The following REXO5 variants were observed in gnomAD, a reference collection of about 807,000 sequenced individuals.
REXO5 encodes exonuclease NEF-sp.
Under a neutral mutation model 88.5 loss-of-function variants are expected in REXO5, and 48 were observed. The observed-to-expected ratio is 0.54, with a 90% CI of 0.43 to 0.69. REXO5 has a LOEUF of 0.69. Among genes scored for constraint, REXO5 ranks in the 30% least tolerant of loss-of-function variants. The probability of loss-of-function intolerance (pLI) is 0.00; values close to 1 mark genes in which losing one functional copy is unlikely to be tolerated. For synonymous variants in REXO5, 311 were observed against 336.5 expected (o/e 0.92, Z 0.83); for missense variants, 749 against 912.2 (o/e 0.82, Z 2.30).
At position 20,846,204 on chromosome 16, in the gene REXO5, C is replaced by A. The variant is rs1205248458; in HGVS notation, c.2125-17C>A. 1 of 1,601,032 alleles carries A rather than the reference C, an allele frequency of 6.2e-7. No homozygotes were observed. Among genetic ancestry groups the A allele is most frequent in the Non-Finnish European group, 8.6e-7 (1 of 1,168,128 alleles). ...AGAGTGTTCTGGCTGAGTATCGACA[C>A]ATGGCTTTGATCCCAGACTCTGAAA... On this transcript the variant is annotated splice_polypyrimidine_tract_variant and intron_variant, in intron 18 of 19. Coordinates refer to ENST00000261377, the MANE Select transcript of REXO5 (RefSeq NM_030941.3).
chr16:20,849,325 C>G, intron 19 of REXO5, 74 bp from the exon 20 acceptor site: 2 of 1,405,166 alleles, frequency 1.4e-6, no homozygotes, highest in Middle Eastern at 1.8e-4. Context: ...AAAATATCTC[C>G]TCTAACTAGG....
intron 5 of REXO5, 132 bp downstream of exon 5, chr16:20,816,344 CG>C (rs2081081470): frequency 3.0e-6 from 2 of 659,042 alleles, no homozygotes; most frequent in African/African-American, 3.7e-5. Context: ...TTTTTTGAAA[CG>C]GGGGTCTCAC....
Position 20,827,114 on chromosome 16 carries a change from T to C in REXO5, c.878T>C (p.Val293Ala). The C allele has an allele frequency of 3.7e-6, 6 of 1,614,158 alleles. No individual in the cohort carries two copies. The highest frequency in any genetic ancestry group is 5.1e-6 in the Non-Finnish European group (6 of 1,179,998). Reference protein sequence around the residue: ...LNPVTTKLKDVQRQLKALLPP... With the variant: ...LNPVTTKLKDAQRQLKALLPP... ...CCAGTGACGACCAAACTCAAAGATGTACAGAGGCAGTTAAAAGCACTGCTT... is the reference window on the plus strand; with the variant it reads ...CCAGTGACGACCAAACTCAAAGATGCACAGAGGCAGTTAAAAGCACTGCTT... Residue 293 changes from valine (V) to alanine (A), a missense_variant, in exon 9 of 20, where the codon GTA (valine) becomes GCA (alanine). By Grantham distance (64) the Val-to-Ala change is moderately conservative. Coordinates refer to ENST00000261377, the MANE Select transcript of REXO5 (RefSeq NM_030941.3).
At chr16:20,824,757 C>T (rs577514147) in intron 7 of REXO5, among the ~76,000 whole-genome samples, 1 of 152,114 alleles carries the variant, frequency 6.6e-6, no homozygotes, top group African/African-American at 2.4e-5. Flanking sequence ...CACCTGTAAT[C>T]CCAGCACTTT....
At position 20,833,053 on chromosome 16, in the gene REXO5, G is replaced by T; in HGVS notation, c.1313G>T (p.Arg438Leu). 1 of 1,613,330 alleles carries T rather than the reference G, an allele frequency of 6.2e-7. No individual in the cohort carries two copies. Among genetic ancestry groups the T allele is most frequent in the South Asian group, 1.1e-5 (1 of 91,046 alleles). Residue 438 changes from arginine (R) to leucine (L), a missense_variant, in exon 13 of 20, where the codon CGG (arginine) becomes CTG (leucine). By Grantham distance (102) the Arg-to-Leu change is moderately radical (BLOSUM62 -2). Coordinates refer to ENST00000261377, the MANE Select transcript of REXO5 (RefSeq NM_030941.3). Reference protein sequence around the residue: ...SVGQKLLFLTRETDAGELPSS... With the variant: ...SVGQKLLFLTLETDAGELPSS... Reference sequence around the variant, plus strand: ...GGTCAGAAGCTTCTTTTTTTGACCCGGGAGACAGATGCTGGTGAACTTCCA... The same window carrying T: ...GGTCAGAAGCTTCTTTTTTTGACCCTGGAGACAGATGCTGGTGAACTTCCA...
At chr16:20,817,401 T>C (rs1425779903) in intron 5 of REXO5, among the ~76,000 whole-genome samples, 1 of 152,166 alleles carries the variant, frequency 6.6e-6, no homozygotes, top group Non-Finnish European at 1.5e-5. Flanking sequence ...AGAAAAGATG[T>C]AATCAGGAAA....
intron 18 of REXO5, among the ~76,000 whole-genome samples, chr16:20,845,627 T>G (rs2081596158): frequency 6.6e-6 from 1 of 152,130 alleles, no homozygotes; most frequent in Non-Finnish European, 1.5e-5. Context: ...GTCTTTTTAT[T>G]ATATCTAAGA....
intron 12 of REXO5, 107 bp from the exon 13 acceptor site, chr16:20,832,896 C>A: frequency 1.1e-6 from 1 of 941,856 alleles, no homozygotes; most frequent in Non-Finnish European, 1.6e-6. Context: ...ATTTTAATAG[C>A]TATATATTGC....
chr16:20,837,803 A>G (rs756435601), intron 13 of REXO5, among the ~76,000 whole-genome samples: 4 of 151,712 alleles, frequency 2.6e-5, no homozygotes, highest in Non-Finnish European at 5.9e-5. Context: ...GTCTTGCTCT[A>G]TTGCCCAGGC....
At chr16:20,829,943 T>G (rs949373770) in intron 11 of REXO5, among the ~76,000 whole-genome samples, 2 of 152,222 alleles carry the variant, frequency 1.3e-5, no homozygotes, top group Non-Finnish European at 2.9e-5. Flanking sequence ...CTACTCAACT[T>G]GCTGTGGTAC....
chr16:20,806,881 C>T, intron 1 of REXO5, 71 bp from the exon 2 acceptor site: 2 of 1,518,236 alleles, frequency 1.3e-6, no homozygotes, highest in Non-Finnish European at 8.8e-7. Context: ...GTAGCTCTCC[C>T]GCTAGGAGGC....
chr16:20,845,359 T>G, intron 18 of REXO5, 118 bp downstream of exon 18: 2 of 828,512 alleles, frequency 2.4e-6, no homozygotes, highest in South Asian at 2.0e-5. Context: ...ACTCTCCAGC[T>G]TCCTCCAGTC....
At chr16:20,849,246 A>G (rs370551163) in intron 19 of REXO5, among the ~76,000 whole-genome samples, 153 bp from the exon 20 acceptor site, 1 of 152,246 alleles carries the variant, frequency 6.6e-6, no homozygotes. Context: ...TTTCCATTAA[A>G]CCATCTTCAG....
At chr16:20,813,102 G>A (rs2081025241) in intron 2 of REXO5, 88 bp from the exon 3 acceptor site, 5 of 870,052 alleles carry the variant, frequency 5.7e-6, no homozygotes, top group Non-Finnish European at 9.6e-6. Flanking sequence ...GTATGTTAAA[G>A]TAATCAGAAG....
chr16:20,832,901 TA>T (rs1336944394), intron 12 of REXO5, 101 bp from the exon 13 acceptor site: 1 of 1,027,602 alleles, frequency 9.7e-7, no homozygotes, highest in African/African-American at 1.6e-5. Context: ...AATAGCTATA[TA>T]TTGCTAGTGG....
In REXO5 at chr16:20,827,323, A is replaced by G. The variant is rs755932807; in HGVS notation, c.961-30A>G. On this transcript the variant is annotated intron_variant, in intron 9 of 19. Coordinates refer to ENST00000261377, the MANE Select transcript of REXO5 (RefSeq NM_030941.3). ...CTTGTTTTTTCCTTTAGCATAAGAC[A>G]CTACTCATTTTATTCTCTTTCTTCC... 5 of 1,603,520 alleles carry G rather than the reference A, an allele frequency of 3.1e-6. No individual in the cohort carries two copies. In the African/African-American group the frequency reaches 4.0e-5, roughly 13 times the overall value.
intron 13 of REXO5, among the ~76,000 whole-genome samples, chr16:20,836,984 A>G (rs2081441040): frequency 6.6e-6 from 1 of 152,100 alleles, no homozygotes; most frequent in African/African-American, 2.4e-5. Flanking sequence ...TCATTTTCTT[A>G]TTGGTGAGTT....
chr16:20,849,336 C>T (rs2081657106), intron 19 of REXO5, 63 bp from the exon 20 acceptor site: 2 of 1,443,486 alleles, frequency 1.4e-6, no homozygotes, highest in East Asian at 2.3e-5. Flanking sequence ...TCTAACTAGG[C>T]ATTTATAACC....
At chr16:20,817,044 A>T (rs772501147) in intron 5 of REXO5, among the ~76,000 whole-genome samples, 30 of 152,248 alleles carry the variant, frequency 2.0e-4, no homozygotes, top group South Asian at 8.3e-4. Context: ...AGAGTAGTAT[A>T]GGACTTATCA....
Sources: allele counts gnomAD v4.1 joint callset (sites outside exome capture counted in the v4.1 genomes callset), GRCh38; gene constraint gnomAD v4.1.1; transcripts MANE v1.5; gene names NCBI Gene and HGNC (gene_info 2026-07-23, HGNC 2026-07-21).